Variants in NPL observed in about 807,000 individuals in gnomAD.
NPL encodes the protein N-acetylneuraminate lyase.
Under a neutral mutation model 41.1 loss-of-function variants are expected in NPL, and 32 were observed. That is an observed-to-expected ratio of 0.78 (90% CI 0.59 to 1.05). The LOEUF is 1.05. Among genes scored for constraint, NPL ranks in the 50% least tolerant of loss-of-function variants. NPL has a pLI of 0.00. For synonymous variants in NPL, 128 were observed against 134.9 expected (o/e 0.95, Z 0.35); for missense variants, 321 against 378.4 (o/e 0.85, Z 1.26).
chr1:182,803,764 C>G lies in NPL; in HGVS notation c.135C>G (p.Asn45Lys). The G allele has an allele frequency of 6.2e-7, 1 of 1,610,334 alleles. No individual in the cohort carries two copies. The highest frequency in any genetic ancestry group is 8.5e-7 in the Non-Finnish European group (1 of 1,176,616). Residue 45 changes from asparagine to lysine, a missense_variant, in exon 4 of 13, where the codon AAC becomes AAG. Coordinates refer to ENST00000367553, the MANE Select transcript of NPL (RefSeq NM_030769.3). ...TTGTGAAAGAACAGGGAGTGAAGAA[C>G]ATTTTTGGTAAGTCAACTCTGGGGA... The part of the protein sequence containing the change: ...DYLVKEQGVK[N>K]IFVNGTTGEG...
chr1:182,812,291 T>TAGTACTGA, intron 6 of NPL, 78 bp downstream of exon 6: 1 of 1,267,244 alleles, frequency 7.9e-7, no homozygotes, highest in Non-Finnish European at 1.1e-6. Flanking sequence ...CAGTACTATA[T>TAGTACTGA]TTGCTATGTA....
intron 10 of NPL, among the ~76,000 whole-genome samples, chr1:182,821,857 C>G (rs569566242): frequency 6.6e-6 from 1 of 152,264 alleles, no homozygotes; most frequent in South Asian, 2.1e-4. Context: ...CTAACAAATA[C>G]ACCTCCATCT....
chr1:182,806,614 G>A (rs1026738149), intron 5 of NPL: 1 of 1,454,990 alleles, frequency 6.9e-7, no homozygotes. Context: ...TTCTTGGGAT[G>A]AGCGCCTGAT....
intron 3 of NPL, chr1:182,795,627 T>C (rs1666639180): frequency 6.6e-6 from 1 of 152,182 alleles, no homozygotes; most frequent in African/African-American, 2.4e-5. Context: ...CCATGAAAAA[T>C]CACGTCCTTA....
At chr1:182,819,328 C>T (rs1371713508) in intron 10 of NPL, among the ~76,000 whole-genome samples, 1 of 152,190 alleles carries the variant, frequency 6.6e-6, no homozygotes, top group Non-Finnish European at 1.5e-5. Context: ...CGCCTGTAAT[C>T]CCAGCTACTT....
At chr1:182,797,673 T>G (rs546700744) in intron 3 of NPL, among the ~76,000 whole-genome samples, 8 of 152,302 alleles carry the variant, frequency 5.3e-5, no homozygotes, top group Middle Eastern at 3.4e-3. Context: ...CCAATTCTCT[T>G]AAAAGGAGTT....
chr1:182,819,360 C>T (rs1480490467), intron 10 of NPL, among the ~76,000 whole-genome samples: 2 of 152,012 alleles, frequency 1.3e-5, no homozygotes, highest in Non-Finnish European at 2.9e-5. Flanking sequence ...GCAGGAGAAT[C>T]GCTTGAAACC....
In NPL at chr1:182,812,156, G is replaced by T; in HGVS notation, c.231G>T (p.Lys77Asn). 6.2e-7 allele frequency: 1 copy of T among 1,613,768 alleles called. No individual in the cohort carries two copies. Among genetic ancestry groups the T allele is most frequent in the Non-Finnish European group, 8.5e-7 (1 of 1,179,774 alleles). ...TGCAGCAGTGTTTTTTCTTTTGCAGGCTGGATCAGGTGATAATTCACGTAG... is the reference window on the plus strand; with the variant it reads ...TGCAGCAGTGTTTTTTCTTTTGCAGTCTGGATCAGGTGATAATTCACGTAG... ...AEEWVTKGKD[K>N]LDQVIIHVGA... Residue 77 changes from lysine to asparagine, a missense_variant and splice_region_variant, in exon 6 of 13, where the codon AAG (lysine) becomes AAT (asparagine). Transcript: ENST00000367553.
chr1:182,810,074 T>C (rs1314666243), intron 5 of NPL: 1 of 152,198 alleles, frequency 6.6e-6, no homozygotes, highest in Non-Finnish European at 1.5e-5. Context: ...ACCTAAGACA[T>C]AGCTAGCCAA....
chr1:182,809,456 C>G (rs1011851336), intron 5 of NPL: 28 of 228,622 alleles, frequency 1.2e-4, no homozygotes, highest in African/African-American at 6.3e-4. Flanking sequence ...AGGAGAATCA[C>G]TTGTACCCTG....
At chr1:182,790,128 C>T (rs990699486) in intron 1 of NPL, among the ~76,000 whole-genome samples, 1 of 152,212 alleles carries the variant, frequency 6.6e-6, no homozygotes, top group Non-Finnish European at 1.5e-5. Context: ...AAACCTGATA[C>T]ATCCCCCCTT....
Position 182,829,222 on chromosome 1 carries a change from A to G in NPL, c.*314A>G. ...CCATCTGTCTTTAGGAGCTCTCATTATCTCGGTCTCTGGTTCCTAATCCTA... is the reference window on the plus strand; with the variant it reads ...CCATCTGTCTTTAGGAGCTCTCATTGTCTCGGTCTCTGGTTCCTAATCCTA... On this transcript the variant is annotated 3_prime_UTR_variant, in exon 13 of 13. Coordinates refer to ENST00000367553, the MANE Select transcript of NPL (RefSeq NM_030769.3). The G allele has an allele frequency of 3.3e-6, 4 of 1,213,904 alleles. No individual in the cohort carries two copies. Among genetic ancestry groups the G allele is most frequent in the South Asian group, 2.2e-5 (1 of 44,502 alleles). 75.2% of individuals were successfully genotyped at this position (1,213,904 alleles called of 1,614,324 possible). A position where few individuals can be genotyped will look rare whatever the true frequency, so the allele number is the denominator to read the frequency against.
chr1:182,824,371 A>G (rs1239684674), intron 11 of NPL, among the ~76,000 whole-genome samples: 2 of 152,260 alleles, frequency 1.3e-5, no homozygotes, highest in African/African-American at 2.4e-5. Flanking sequence ...TATGTTTGTA[A>G]GTCTCTGGGT....
chr1:182,803,085 A>G (rs1666898725), intron 3 of NPL, among the ~76,000 whole-genome samples: 1 of 152,208 alleles, frequency 6.6e-6, no homozygotes, highest in Admixed American at 6.5e-5. Flanking sequence ...AAATTCTTAT[A>G]ATATTAAGAT....
chr1:182,805,101 A>C (rs143101184), intron 4 of NPL, among the ~76,000 whole-genome samples: 1 of 152,176 alleles, frequency 6.6e-6, no homozygotes, highest in African/African-American at 2.4e-5. Flanking sequence ...AATGTATCCT[A>C]CTGCCATAGG....
At chr1:182,794,482 A>G (rs1044318619) in intron 3 of NPL, 43 bp downstream of exon 3, 8 of 1,580,994 alleles carry the variant, frequency 5.1e-6, no homozygotes, top group East Asian at 2.2e-5. Flanking sequence ...TTCTCATTCA[A>G]CCAAAAAGGA....
intron 5 of NPL, among the ~76,000 whole-genome samples, chr1:182,808,265 C>T (rs1329257278): frequency 6.6e-6 from 1 of 152,168 alleles, no homozygotes; most frequent in African/African-American, 2.4e-5. Context: ...TATTTAGATG[C>T]AGTAAATGCT....
At position 182,829,049 on chromosome 1, in the gene NPL, T is replaced by C; in HGVS notation, c.*141T>C. ...TCACAATAAGCATTGAGGTACCTTT[T>C]GTGAGCCTTAAAAAGTCTTATTTTG... is the stretch of plus-strand genomic sequence containing the variant. On this transcript the variant is annotated 3_prime_UTR_variant, in exon 13 of 13. Coordinates refer to ENST00000367553, the MANE Select transcript of NPL (RefSeq NM_030769.3). 1 of 1,500,040 alleles carries C rather than the reference T, an allele frequency of 6.7e-7. No homozygotes were observed. The allele number at this position is 1,500,040 out of a possible 1,614,324, so 92.9% of individuals were successfully genotyped here.
rs2102575885 is a variant in NPL, at chr1:182,829,875, GTGTAA to G, written c.*972_*976del. ...TACCTCCTTTTACTCTTTTCTTTCT[GTGTAA>G]TGTATCAACAACTGTTTAATCTCCC... On this transcript the variant is annotated 3_prime_UTR_variant, in exon 13 of 13. Coordinates refer to ENST00000367553, the MANE Select transcript of NPL (RefSeq NM_030769.3). 2 of 509,164 alleles carry G rather than the reference GTGTAA, an allele frequency of 3.9e-6. No homozygotes were observed. The highest frequency in any genetic ancestry group is 6.2e-5 in the East Asian group (2 of 32,212). 31.5% of individuals were successfully genotyped at this position (509,164 alleles called of 1,614,324 possible).
Sources: allele counts gnomAD v4.1 joint callset (sites outside exome capture counted in the v4.1 genomes callset), GRCh38; gene constraint gnomAD v4.1.1; transcripts MANE v1.5; gene names NCBI Gene and HGNC (gene_info 2026-07-23, HGNC 2026-07-21).